Variants in ZNF385D observed in about 807,000 individuals in gnomAD.
The protein encoded by ZNF385D is zinc finger protein 385D, also known as zinc finger protein 659.
Under a neutral mutation model 35.8 loss-of-function variants are expected in ZNF385D, and 15 were observed. The observed-to-expected ratio is 0.42, with a 90% CI of 0.28 to 0.64. The LOEUF (loss-of-function observed/expected upper bound fraction) is 0.64, where lower values mean the gene tolerates loss of function less well. ZNF385D is among the 30% of genes least tolerant of loss of function. The pLI is 0.23. For synonymous variants in ZNF385D, 212 were observed against 186.8 expected (o/e 1.13, Z -1.10); for missense variants, 474 against 494.6 (o/e 0.96, Z 0.39).
chr3:22,043,329 T>C (rs1245461486), intron 3 of ZNF385D, among the ~76,000 whole-genome samples: 1 of 152,166 alleles, frequency 6.6e-6, no homozygotes, highest in Admixed American at 6.6e-5. Context: ...TTTCTTACAG[T>C]TTAGGTCTGT....
At chr3:21,662,696 G>GA (rs2066275773) in intron 2 of ZNF385D, among the ~76,000 whole-genome samples, 1 of 152,118 alleles carries the variant, frequency 6.6e-6, no homozygotes, top group African/African-American at 2.4e-5. Context: ...AATAACCAAG[G>GA]AAAAAGCAAC....
chr3:22,264,077 G>C (rs189643382), intron 2 of ZNF385D, among the ~76,000 whole-genome samples: 1 of 152,044 alleles, frequency 6.6e-6, no homozygotes, highest in African/African-American at 2.4e-5. Flanking sequence ...AATGGAGTGA[G>C]GAAGGTAGGA....
At chr3:22,089,959 C>G (rs936404863) in intron 3 of ZNF385D, among the ~76,000 whole-genome samples, 2 of 152,094 alleles carry the variant, frequency 1.3e-5, no homozygotes, top group Non-Finnish European at 2.9e-5. Flanking sequence ...CTGCCTCAGC[C>G]TCTCGAGTAG....
Position 22,094,577 on chromosome 3 carries a change from A to C in ZNF385D, c.325+74240T>G, listed in dbSNP as rs185093419. On this transcript the variant is annotated intron_variant, in intron 3 of 5. Coordinates refer to the ZNF385D transcript ENST00000494108. The stretch of plus-strand genomic sequence containing the variant: ...AAGCAGAGGTGGAAGGAAGAAGTGA[A>C]TATGAAGGGCCTGGAACTAAGGTGT... 1.4e-4 allele frequency among the ~76,000 whole-genome samples: 21 copies of C among 151,904 alleles called. No homozygotes were observed. The East Asian group carries it at 3.9e-3, about 28-fold the overall frequency.
At chr3:21,824,789 T>A (rs1370147066) in intron 3 of ZNF385D, among the ~76,000 whole-genome samples, 1 of 152,188 alleles carries the variant, frequency 6.6e-6, no homozygotes, top group Non-Finnish European at 1.5e-5. Context: ...GATAAATATT[T>A]TAGAGCATTT....
intron 4 of ZNF385D, among the ~76,000 whole-genome samples, chr3:21,461,517 C>T (rs573414398): frequency 1.3e-5 from 2 of 152,280 alleles, no homozygotes; most frequent in African/African-American, 4.8e-5. Context: ...CACTGCACTC[C>T]AGCCTGGGCA....
rs992682330 is a variant in ZNF385D, at chr3:21,414,996, C to T, written c.*6218G>A. On this transcript the variant is annotated 3_prime_UTR_variant, in exon 8 of 8. Coordinates refer to ENST00000281523, the MANE Select transcript of ZNF385D (RefSeq NM_024697.3). ...TTGCCCCTAGCCCTAGGGTCCTATA[C>T]TGAAATTATATAACAATGTGTGTTA... 6.6e-6 allele frequency: 1 copy of T among 152,002 alleles called. No individual in the cohort carries two copies. The highest frequency in any genetic ancestry group is 1.5e-5 in the Non-Finnish European group (1 of 67,976). The allele number at this position is 152,002 out of a possible 1,614,324, so 9.4% of individuals were successfully genotyped here. A position where few individuals can be genotyped will look rare whatever the true frequency, so the allele number is the denominator to read the frequency against.
chr3:22,274,435 G>C (rs1208727466), intron 2 of ZNF385D, among the ~76,000 whole-genome samples: 2 of 152,016 alleles, frequency 1.3e-5, no homozygotes, highest in South Asian at 2.1e-4. Flanking sequence ...GAGACAATAA[G>C]TTTAATAGAA....
At chr3:22,090,823 G>C (rs1369254345) in intron 3 of ZNF385D, among the ~76,000 whole-genome samples, 3 of 152,138 alleles carry the variant, frequency 2.0e-5, no homozygotes, top group Non-Finnish European at 4.4e-5. Context: ...GCTCTCCCAT[G>C]CCTGAGGAGA....
At chr3:22,019,034 CTTTTTTTTTTTTTTTTTTTTT>C (rs11380195) in intron 3 of ZNF385D, among the ~76,000 whole-genome samples, 1 of 64,460 alleles carries the variant, frequency 1.6e-5, no homozygotes, top group Non-Finnish European at 2.8e-5. Context: ...AGTTATTTAC[CTTTTTTTTTTTTTTTTTTTTT>C]TTTTTTTTTT....
Position 22,282,037 on chromosome 3 carries a change from G to A in ZNF385D, c.106+90413C>T, listed in dbSNP as rs371878664. ...AAGTTTTCTAGTTTATGCGTGTAAA[G>A]GTGTTTATAGTAGCCTTGGACGATC... On this transcript the variant is annotated intron_variant, in intron 2 of 5. Transcript: ENST00000494108. Among the ~76,000 whole-genome samples the A allele has an allele frequency of 4.6e-5, 7 of 151,954 alleles. No homozygotes were observed. In the East Asian group the frequency reaches 5.8e-4, roughly 13 times the overall value.
chr3:21,634,459 T>G (rs557678885), intron 2 of ZNF385D, among the ~76,000 whole-genome samples: 2 of 152,140 alleles, frequency 1.3e-5, no homozygotes, highest in South Asian at 4.1e-4. Context: ...TAAAATGTAT[T>G]ACAAAAGAAA....
chr3:22,026,896 G>A (rs1697589860), intron 3 of ZNF385D, among the ~76,000 whole-genome samples: 1 of 152,190 alleles, frequency 6.6e-6, no homozygotes, highest in African/African-American at 2.4e-5. Flanking sequence ...AGGGATCTTG[G>A]AGAATGGTGG....
chr3:22,007,265 T>G (rs1696268160), intron 3 of ZNF385D, among the ~76,000 whole-genome samples: 1 of 152,190 alleles, frequency 6.6e-6, no homozygotes, highest in Non-Finnish European at 1.5e-5. Context: ...AAATCTTAAT[T>G]TTTTTAAATC....
At chr3:22,041,965 C>T (rs66895926) in intron 3 of ZNF385D, among the ~76,000 whole-genome samples, 1 of 152,028 alleles carries the variant, frequency 6.6e-6, no homozygotes, top group South Asian at 2.1e-4. Context: ...TGAATTAAGA[C>T]CAGTATAAAC....
intron 3 of ZNF385D, among the ~76,000 whole-genome samples, chr3:21,866,222 G>A (rs904675794): frequency 3.3e-5 from 5 of 152,090 alleles, no homozygotes; most frequent in Non-Finnish European, 2.9e-5. Context: ...AGAGGCCGAG[G>A]CAGGCAGATC....
rs1474966489 is a variant in ZNF385D, at chr3:22,222,369, G to GA, written c.107-53335dup. ...AATCTAAGATAATAACCTACTGAAT[G>GA]AAAAAAACTTGTATCTACTTATTTT... is the stretch of plus-strand genomic sequence containing the variant. On this transcript the variant is annotated intron_variant, in intron 2 of 5. Transcript: ENST00000494108. Among the ~76,000 whole-genome samples the GA allele has an allele frequency of 5.9e-5, 9 of 151,984 alleles. No individual in the cohort carries two copies. In the South Asian group the frequency reaches 1.5e-3, roughly 25 times the overall value.
intron 3 of ZNF385D, among the ~76,000 whole-genome samples, chr3:22,032,848 C>A (rs927327958): frequency 6.6e-6 from 1 of 152,106 alleles, no homozygotes; most frequent in African/African-American, 2.4e-5. Context: ...CACAATTACC[C>A]CTGAGCTAGC....
At chr3:22,233,187 T>C (rs146753820) in intron 2 of ZNF385D, among the ~76,000 whole-genome samples, 1 of 151,170 alleles carries the variant, frequency 6.6e-6, no homozygotes, top group African/African-American at 2.4e-5. Flanking sequence ...TGTATTATTA[T>C]AGCTTCAGCC....
Sources: gnomAD v4.1 joint callset for allele counts (sites outside exome capture counted in the v4.1 genomes callset) on GRCh38, gnomAD v4.1.1 for gene constraint, MANE v1.5 for transcripts, NCBI Gene and HGNC (gene_info 2026-07-23, HGNC 2026-07-21) for gene names.